The following BCO1 variants were observed in gnomAD, a reference collection of about 807,000 sequenced individuals.
BCO1 encodes the protein beta-carotene oxygenase 1, also known as beta,beta-carotene 15,15'-dioxygenase.
A neutral mutation model predicts 56.3 loss-of-function variants in BCO1; 54 were observed. The ratio of observed to expected loss-of-function variants is 0.96; its 90% CI spans 0.77 to 1.20. The LOEUF is 1.20. Ranked by LOEUF, BCO1 falls within the 50% of genes most tolerant of loss-of-function variation. The pLI, the probability that BCO1 is intolerant of heterozygous loss-of-function variation, is 0.00. For missense variants in BCO1, 801 were observed against 690.9 expected, an observed-to-expected ratio of 1.16 and a Z score of -1.79; for synonymous variants, 318 against 266.1, an observed-to-expected ratio of 1.20 and a Z score of -1.90.
At chr16:81,244,449 G>C (rs77485389) in intron 1 of BCO1, among the ~76,000 whole-genome samples, 162 of 142,122 alleles carry the variant, frequency 1.1e-3, no homozygotes, top group African/African-American at 3.9e-3. Context: ...TTCATACTAA[G>C]TCTTTGAAAT....
In BCO1 at chr16:81,264,724, A is replaced by C; in HGVS notation, c.556A>C (p.Thr186Pro). Residue 186 changes from threonine to proline, a missense_variant, in exon 5 of 11, where the codon ACA becomes CCA. Transcript: ENST00000258168. ...GGCTGGAAATGTTCTAAACATGGGC[A>C]CATCCATTGTGGAAAAGGGGAAGAC... Reference protein sequence around the residue: ...DEAGNVLNMGTSIVEKGKTKY... With the variant: ...DEAGNVLNMGPSIVEKGKTKY... The C allele has an allele frequency of 6.2e-7, 1 of 1,614,224 alleles. No homozygotes were observed. Among genetic ancestry groups the C allele is most frequent in the African/African-American group, 1.3e-5 (1 of 75,068 alleles).
chr16:81,245,370 AGT>A, intron 1 of BCO1, 103 bp from the exon 2 acceptor site: 1 of 1,504,254 alleles, frequency 6.6e-7, no homozygotes. Flanking sequence ...AGATGCAAGG[AGT>A]GGTACTGGGA....
At chr16:81,242,714 T>A (rs62054699) in intron 1 of BCO1, among the ~76,000 whole-genome samples, 57,723 of 151,792 alleles carry the variant, frequency 0.38, 11,293 homozygotes, top group African/African-American at 0.47. Context: ...AAGCTCCAAG[T>A]TCCTATTCCA....
At chr16:81,265,574 T>C (rs62652191) in intron 5 of BCO1, among the ~76,000 whole-genome samples, 1 of 124,584 alleles carries the variant, frequency 8.0e-6, no homozygotes. Context: ...TCCATTGAGC[T>C]TCCCACCCAC....
At chr16:81,267,567 C>T (rs1196876510) in intron 5 of BCO1, among the ~76,000 whole-genome samples, 3 of 152,254 alleles carry the variant, frequency 2.0e-5, no homozygotes, top group East Asian at 1.9e-4. Flanking sequence ...GGGCTGAGAT[C>T]GTGCCCCTAC....
At chr16:81,271,343 G>A (rs1465678890) in intron 7 of BCO1, among the ~76,000 whole-genome samples, 2 of 151,388 alleles carry the variant, frequency 1.3e-5, no homozygotes, top group African/African-American at 4.9e-5. Context: ...TCGAACTCCT[G>A]ACCTCAGGTG....
At chr16:81,261,513 C>T (rs1205819667) in intron 3 of BCO1, among the ~76,000 whole-genome samples, 1 of 152,182 alleles carries the variant, frequency 6.6e-6, no homozygotes, top group African/African-American at 2.4e-5. Flanking sequence ...TATACGATTT[C>T]CGTAGAGCTT....
chr16:81,279,974 T>C (rs1008068744), intron 7 of BCO1, among the ~76,000 whole-genome samples: 1 of 152,070 alleles, frequency 6.6e-6, no homozygotes, highest in Non-Finnish European at 1.5e-5. Flanking sequence ...ATATTTAGTA[T>C]ATTTCTGGCT....
At chr16:81,242,091 C>G (rs989230053) in intron 1 of BCO1, among the ~76,000 whole-genome samples, 5 of 151,672 alleles carry the variant, frequency 3.3e-5, no homozygotes, top group African/African-American at 4.8e-5. Flanking sequence ...TCAGATGCCT[C>G]TCTCCCTGCT....
In BCO1 at chr16:81,255,324, C is replaced by G. The variant is rs113997098; in HGVS notation, c.194-4352C>G. ...ACCACTCGCTAGCTGTGTGGCTTAA[C>G]ACAAGCTGCTTAACCTCTCTGTGCC... is the stretch of plus-strand genomic sequence containing the variant. On this transcript the variant is annotated intron_variant, in intron 2 of 10. Transcript: ENST00000258168. Among the ~76,000 whole-genome samples the G allele has an allele frequency of 8.0e-3, 1,223 of 152,246 alleles. 13 individuals are homozygous for G. Among genetic ancestry groups the G allele is most frequent in the African/African-American group, 0.028 (1,154 of 41,538 alleles).
rs1908427867 is a variant in BCO1, at chr16:81,290,965, C to G, written c.*388C>G. ...TTTATCATTGTGCCTTCCTCTGTCTCTTTCTCTTTCCTTTGCTCCCTCCCA... is the reference window on the plus strand; with the variant it reads ...TTTATCATTGTGCCTTCCTCTGTCTGTTTCTCTTTCCTTTGCTCCCTCCCA... On this transcript the variant is annotated 3_prime_UTR_variant, in exon 11 of 11. Transcript: ENST00000258168. 1 of 184,664 alleles carries G rather than the reference C, an allele frequency of 5.4e-6. No individual in the cohort carries two copies. The highest frequency in any genetic ancestry group is 5.4e-5 in the Admixed American group (1 of 18,540). The allele number at this position is 184,664 out of a possible 1,614,324, so 11.4% of individuals were successfully genotyped here.
rs1203590205 is a variant in BCO1 at position 81,262,281 on chromosome 16, A to T, written c.469A>T (p.Lys157Ter). 6.2e-7 allele frequency: 1 copy of T among 1,612,932 alleles called. No homozygotes were observed. The highest frequency in any genetic ancestry group is 1.3e-5 in the African/African-American group (1 of 74,868). The change falls in exon 4 of 11, where the codon AAG (lysine) becomes TAG (stop). Residue 157 changes from lysine to a stop codon, truncating the protein, a stop_gained and splice_region_variant. Transcript: ENST00000258168. LOFTEE classifies it high-confidence loss of function. Reference sequence around the variant, plus strand: ...CCCACAGACTCTGGAAACCCTGGAGAAGGTATCAACACATATGTAACCAGC... The same window carrying T: ...CCCACAGACTCTGGAAACCCTGGAGTAGGTATCAACACATATGTAACCAGC... The part of the protein sequence containing the change: ...INPQTLETLE[K>*]VDYRKYVAVN...
In BCO1 at chr16:81,238,897, G is replaced by A. The variant is rs1904981028; in HGVS notation, c.-12G>A. 2 of 1,613,650 alleles carry A rather than the reference G, an allele frequency of 1.2e-6. No homozygotes were observed. Among genetic ancestry groups the A allele is most frequent in the Non-Finnish European group, 1.7e-6 (2 of 1,179,738 alleles). ...TTGCTGTTAAAATCGATCTCCCTCG[G>A]CACCCTGAGCAATGGATATAATATT... On this transcript the variant is annotated 5_prime_UTR_variant, in exon 1 of 11. Transcript: ENST00000258168.
chr16:81,242,739 C>T (rs1905191345), intron 1 of BCO1, among the ~76,000 whole-genome samples: 2 of 152,102 alleles, frequency 1.3e-5, no homozygotes, highest in African/African-American at 4.8e-5. Flanking sequence ...TAACAGGGGT[C>T]CCCGACCCTC....
At chr16:81,261,810 C>T (rs1567705609) in intron 3 of BCO1, 1 of 346,744 alleles carries the variant, frequency 2.9e-6, no homozygotes, top group East Asian at 7.3e-5. Context: ...GGCGCCATCT[C>T]GGTTCACTGC....
chr16:81,279,297 T>C (rs75567764), intron 7 of BCO1, among the ~76,000 whole-genome samples: 3,225 of 152,070 alleles, frequency 0.021, 127 homozygotes, highest in African/African-American at 0.074. Flanking sequence ...ATAGAAGCTA[T>C]CTTAGAAAAT....
At chr16:81,243,082 G>C (rs1441149245) in intron 1 of BCO1, among the ~76,000 whole-genome samples, 1 of 152,134 alleles carries the variant, frequency 6.6e-6, no homozygotes, top group African/African-American at 2.4e-5. Context: ...CAGGGGCTGG[G>C]GTAAGGGGAG....
chr16:81,255,863 T>C (rs527546071), intron 2 of BCO1, among the ~76,000 whole-genome samples: 5 of 152,084 alleles, frequency 3.3e-5, no homozygotes, highest in Non-Finnish European at 7.4e-5. Flanking sequence ...TCTCGCTCTG[T>C]TGCCCAGGCT....
chr16:81,250,725 C>T (rs1271436756), intron 2 of BCO1, among the ~76,000 whole-genome samples: 1 of 151,942 alleles, frequency 6.6e-6, no homozygotes, highest in African/African-American at 2.4e-5. Context: ...GGATTACAGG[C>T]ATGAGCCACC....
Sources: allele counts gnomAD v4.1 joint callset (sites outside exome capture counted in the v4.1 genomes callset), GRCh38; gene constraint gnomAD v4.1.1; transcripts MANE v1.5; gene names NCBI Gene and HGNC (gene_info 2026-07-23, HGNC 2026-07-21).